Variants in SNX31 observed in about 807,000 individuals in gnomAD.
SNX31 encodes the protein sorting nexin-31.
In SNX31, 58 loss-of-function variants were observed where a neutral mutation model predicts 65.4. That is an observed-to-expected ratio of 0.89 (90% CI 0.72 to 1.10). The LOEUF (loss-of-function observed/expected upper bound fraction) is 1.10, where lower values mean the gene tolerates loss of function less well. Ranked by LOEUF, SNX31 falls within the 50% of genes least tolerant of loss-of-function variation. The probability of loss-of-function intolerance (pLI) is 0.00; values close to 1 mark genes in which losing one functional copy is unlikely to be tolerated. For synonymous variants in SNX31, 181 were observed against 190.1 expected, an observed-to-expected ratio of 0.95 and a Z score of 0.39; for missense variants, 523 against 529.7, an observed-to-expected ratio of 0.99 and a Z score of 0.12.
Position 100,630,355 on chromosome 8 carries a change from A to G in SNX31, c.293T>C (p.Phe98Ser). The change falls in exon 4 of 14, where the codon TTC becomes TCC. Residue 98 changes from phenylalanine (F) to serine (S), a missense_variant. Coordinates refer to ENST00000311812, the MANE Select transcript of SNX31 (RefSeq NM_152628.4). This position sits in a 1 kb window ranked among gnomAD's most constrained non-coding sequence, Gnocchi z 5.3. ...MDPNVLRSDV[F>S]VEFLKLAQLN... The stretch of plus-strand genomic sequence containing the variant: ...CTGCGCCAGTTTTAAAAACTCAACG[A>G]AGACATCACTTCTCAACACGTTTGG... The G allele has an allele frequency of 2.5e-6, 4 of 1,613,448 alleles. No homozygotes were observed. Among genetic ancestry groups the G allele is most frequent in the Non-Finnish European group, 3.4e-6 (4 of 1,179,878 alleles).
intron 2 of SNX31, among the ~76,000 whole-genome samples, chr8:100,641,805 G>A (rs1222030647): frequency 6.0e-5 from 9 of 149,920 alleles, no homozygotes; most frequent in East Asian, 2.0e-4. Context: ...TAGGCCGGGC[G>A]TGGTGGCTCA....
chr8:100,603,278 A>G (rs905506201), intron 8 of SNX31, among the ~76,000 whole-genome samples: 1 of 152,182 alleles, frequency 6.6e-6, no homozygotes, highest in African/African-American at 2.4e-5. Flanking sequence ...ACAGGGGAAC[A>G]ATATCGAAAA....
intron 8 of SNX31, among the ~76,000 whole-genome samples, chr8:100,607,625 T>C (rs1056391225): frequency 1.3e-5 from 2 of 152,200 alleles, no homozygotes; most frequent in African/African-American, 4.8e-5. Flanking sequence ...TAAAAAACAT[T>C]AATTGTACAT....
In SNX31 at chr8:100,657,510, C is replaced by T. The variant is rs539179177; in HGVS notation, c.-58+5632G>A. On this transcript the variant is annotated intron_variant, in intron 1 of 5. Transcript: ENST00000520352. Reference sequence around the variant, plus strand: ...GAAAGAAAAGGGAGGGAAGGGAGCCCCGAGGCTGCCTCTGGGTTTGGGTGG... The same window carrying T: ...GAAAGAAAAGGGAGGGAAGGGAGCCTCGAGGCTGCCTCTGGGTTTGGGTGG... Among the ~76,000 whole-genome samples, 3 of 151,890 alleles carry T rather than the reference C, an allele frequency of 2.0e-5. No homozygotes were observed. The East Asian group carries it at 5.8e-4, about 29-fold the overall frequency.
upstream of SNX31, chr8:100,663,557 TC>T (rs1352328569): frequency 1.4e-5 from 2 of 147,596 alleles, no homozygotes; most frequent in African/African-American, 5.4e-5. Context: ...GGAAACCCTA[TC>T]GGAGTAAAAG....
intron 7 of SNX31, 109 bp downstream of exon 7, chr8:100,611,891 G>C: frequency 4.9e-6 from 4 of 810,524 alleles, no homozygotes; most frequent in Non-Finnish European, 8.2e-6. Context: ...CTAAGTTCTT[G>C]GTCTCCAGCT....
intron 10 of SNX31, among the ~76,000 whole-genome samples, chr8:100,590,760 C>A (rs1006605268): frequency 5.3e-5 from 8 of 152,010 alleles, no homozygotes; most frequent in Non-Finnish European, 1.2e-4. Context: ...CCAGCCTGGA[C>A]AACAGAGTAA....
At chr8:100,643,220 C>CA (rs1819392185) in intron 2 of SNX31, among the ~76,000 whole-genome samples, 1 of 148,976 alleles carries the variant, frequency 6.7e-6, no homozygotes, top group Non-Finnish European at 1.5e-5. Flanking sequence ...CAGAAACAAA[C>CA]AAAAAAATCC....
intron 1 of SNX31, among the ~76,000 whole-genome samples, chr8:100,655,422 G>GTGGGAGATCACTGAATCA (rs1820039792): frequency 6.6e-6 from 1 of 152,166 alleles, no homozygotes; most frequent in Non-Finnish European, 1.5e-5. Context: ...GAGAGACCCT[G>GTGGGAGATCACTGAATCA]TGGGAGATCA....
chr8:100,624,961 C>G (rs887853259), intron 4 of SNX31, among the ~76,000 whole-genome samples: 2 of 151,924 alleles, frequency 1.3e-5, no homozygotes, highest in Non-Finnish European at 1.5e-5. Context: ...GCCACTACCC[C>G]CATCTAAATA....
At chr8:100,621,884 A>AGAAG (rs1173124503) in intron 4 of SNX31, among the ~76,000 whole-genome samples, 3 of 152,216 alleles carry the variant, frequency 2.0e-5, no homozygotes, top group Admixed American at 6.5e-5. Flanking sequence ...CTCCCTCGGA[A>AGAAG]GAAGGAAGGA....
intron 10 of SNX31, among the ~76,000 whole-genome samples, chr8:100,589,187 G>C (rs934181843): frequency 6.6e-6 from 1 of 151,600 alleles, no homozygotes; most frequent in African/African-American, 2.4e-5. Flanking sequence ...TGTAATCCCA[G>C]CTACTTGGGA....
rs1242830237 is a variant in SNX31, at chr8:100,575,939, C to T, written c.1227+1080G>A. On this transcript the variant is annotated intron_variant, in intron 13 of 13. Coordinates refer to ENST00000311812, the MANE Select transcript of SNX31 (RefSeq NM_152628.4). The surrounding 1 kb of genome is among the most constrained non-coding windows in gnomAD (Gnocchi z 5.1). ...GTTGAGAACCACAGCTCCATGCTGT[C>T]GGCATGCTGCTAAAATGGGTGCATT... 2.8e-5 allele frequency among the ~76,000 whole-genome samples: 3 copies of T among 106,418 alleles called. No individual in the cohort carries two copies. The highest frequency in any genetic ancestry group is 2.1e-4 in the East Asian group (1 of 4,848). The allele number at this position is 106,418 out of a possible 152,430, so 69.8% of individuals were successfully genotyped here. A position where few individuals can be genotyped will look rare whatever the true frequency, so the allele number is the denominator to read the frequency against.
chr8:100,656,546 C>T (rs370090973), intron 1 of SNX31, among the ~76,000 whole-genome samples: 7 of 136,118 alleles, frequency 5.1e-5, no homozygotes, highest in South Asian at 2.5e-4. Context: ...GAGGCCAAGG[C>T]GGGAGAATCT....
At chr8:100,593,541 C>G (rs1431430151) in intron 10 of SNX31, among the ~76,000 whole-genome samples, 1 of 152,048 alleles carries the variant, frequency 6.6e-6, no homozygotes, top group Admixed American at 6.5e-5. Flanking sequence ...GCAACCTCCC[C>G]CTCCCAGACT....
At chr8:100,658,027 G>T (rs752574819) in intron 1 of SNX31, among the ~76,000 whole-genome samples, 1 of 152,128 alleles carries the variant, frequency 6.6e-6, no homozygotes, top group Admixed American at 6.5e-5. Context: ...GCCCAGCCTG[G>T]ACTGACCATG....
At chr8:100,583,557 C>T (rs1023603018) in intron 12 of SNX31, among the ~76,000 whole-genome samples, 4 of 151,970 alleles carry the variant, frequency 2.6e-5, no homozygotes, top group African/African-American at 9.7e-5. Flanking sequence ...GTTACTAGGC[C>T]TTTAATAAAT....
intron 2 of SNX31, among the ~76,000 whole-genome samples, chr8:100,639,139 A>C (rs1464387273): frequency 6.6e-6 from 1 of 152,260 alleles, no homozygotes; most frequent in East Asian, 1.9e-4. Flanking sequence ...GCATGACACT[A>C]TGCATTAGTC....
rs991599207 is a variant in SNX31 at position 100,588,179 on chromosome 8, T to C, written c.1092+687A>G. On this transcript the variant is annotated intron_variant, in intron 11 of 13. Coordinates refer to ENST00000311812, the MANE Select transcript of SNX31 (RefSeq NM_152628.4). This position sits in a 1 kb window ranked among gnomAD's most constrained non-coding sequence, Gnocchi z 4.8. ...TTATAAACTTATGGGACCACTGCCA[T>C]ATATACAGACTGTCATTGACCAAAA... Among the ~76,000 whole-genome samples the C allele has an allele frequency of 6.6e-6, 1 of 152,070 alleles. No homozygotes were observed. The highest frequency in any genetic ancestry group is 1.5e-5 in the Non-Finnish European group (1 of 68,014).
Sources: gnomAD v4.1 joint callset for allele counts (sites outside exome capture counted in the v4.1 genomes callset) on GRCh38, gnomAD v4.1.1 for gene constraint, Gnocchi (gnomAD v3.1) non-coding constraint, MANE v1.5 for transcripts, NCBI Gene and HGNC (gene_info 2026-07-23, HGNC 2026-07-21) for gene names.